JAK1: variants seen among roughly 807,000 people sequenced by gnomAD.
JAK1 encodes the protein tyrosine-protein kinase JAK1.
Under a neutral mutation model 136.6 loss-of-function variants are expected in JAK1, and 16 were observed. That is an observed-to-expected ratio of 0.12 (90% CI 0.08 to 0.18). The LOEUF (loss-of-function observed/expected upper bound fraction) is 0.18. JAK1 is among the 10% of genes least tolerant of loss of function. The pLI is 1.00. For missense variants in JAK1, 859 were observed against 1,450.1 expected, an observed-to-expected ratio of 0.59 and a Z score of 6.62; for synonymous variants, 492 against 519.5, an observed-to-expected ratio of 0.95 and a Z score of 0.72.
chr1:64,978,831 T>C (rs1217853340), intron 2 of JAK1, among the ~76,000 whole-genome samples: 1 of 151,868 alleles, frequency 6.6e-6, no homozygotes, highest in Non-Finnish European at 1.5e-5. Context: ...GACACTTGCA[T>C]GCTGGATGAG....
intron 1 of JAK1, among the ~76,000 whole-genome samples, chr1:65,052,731 G>A (rs920906350): frequency 1.3e-5 from 2 of 150,354 alleles, no homozygotes; most frequent in Non-Finnish European, 3.0e-5. Flanking sequence ...GGAGAATGGC[G>A]TGAACCCGGG....
chr1:64,899,276 A>G (rs1570733549), intron 1 of JAK1, among the ~76,000 whole-genome samples: 1 of 152,344 alleles, frequency 6.6e-6, no homozygotes, highest in East Asian at 1.9e-4. Context: ...ATCATGGTGA[A>G]AAGGTGAAAT....
chr1:64,961,637 T>C (rs1046729700), intron 1 of JAK1, among the ~76,000 whole-genome samples: 1 of 152,152 alleles, frequency 6.6e-6, no homozygotes, highest in East Asian at 1.9e-4. Context: ...AGTCTGCCAC[T>C]GACACCACGT....
At chr1:64,971,402 G>A (rs1412393819), upstream of JAK1, among the ~76,000 whole-genome samples, 5 of 152,144 alleles carry the variant, frequency 3.3e-5, no homozygotes, top group South Asian at 2.1e-4. Flanking sequence ...TTGGAGTGCA[G>A]TGGCACAATC....
At chr1:64,959,529 G>A (rs933799467) in intron 1 of JAK1, among the ~76,000 whole-genome samples, 1 of 152,190 alleles carries the variant, frequency 6.6e-6, no homozygotes, top group Non-Finnish European at 1.5e-5. Context: ...TATACATGGT[G>A]CCTCTGCCAA....
At chr1:64,961,942 ATGTCTG>A (rs1382319453) in intron 1 of JAK1, among the ~76,000 whole-genome samples, 1 of 152,204 alleles carries the variant, frequency 6.6e-6, no homozygotes, top group African/African-American at 2.4e-5. Context: ...TACCAAAGAG[ATGTCTG>A]TGCATACAAA....
At chr1:65,048,487 G>A (rs1436895758) in intron 1 of JAK1, among the ~76,000 whole-genome samples, 10 of 152,172 alleles carry the variant, frequency 6.6e-5, no homozygotes, top group African/African-American at 2.2e-4. Flanking sequence ...GACTAAGGTC[G>A]CTTGTTATGA....
intron 1 of JAK1, among the ~76,000 whole-genome samples, chr1:64,913,674 A>AGGAAGGAAGGAAGGAAGGAAGGAAGGAG (rs1645331303): frequency 3.5e-5 from 1 of 28,822 alleles, no homozygotes; most frequent in African/African-American, 9.3e-5. Flanking sequence ...GAAGGAAGGA[A>AGGAAGGAAGGAAGGAAGGAAGGAAGGAG]GGAAGGAAGG....
intron 1 of JAK1, among the ~76,000 whole-genome samples, chr1:65,045,241 T>C (rs1647173672): frequency 6.6e-6 from 1 of 152,244 alleles, no homozygotes; most frequent in Non-Finnish European, 1.5e-5. Context: ...TTTGCTCCCA[T>C]GGCTGATCTC....
At chr1:64,990,601 A>G (rs1646646144) in intron 2 of JAK1, 1 of 152,164 alleles carries the variant, frequency 6.6e-6, no homozygotes, top group Admixed American at 6.6e-5. Context: ...GAAGGTACAC[A>G]AAGAAACAGG....
chr1:64,870,991 G>A (rs1011090609), intron 5 of JAK1, among the ~76,000 whole-genome samples: 5 of 151,962 alleles, frequency 3.3e-5, no homozygotes, highest in African/African-American at 9.7e-5. Flanking sequence ...TCAATCTAAC[G>A]CCATGCTTAT....
At chr1:64,935,761 C>T (rs187013192) in intron 1 of JAK1, among the ~76,000 whole-genome samples, 2 of 152,160 alleles carry the variant, frequency 1.3e-5, no homozygotes, top group African/African-American at 2.4e-5. Context: ...GCAACGCTGA[C>T]GGGTCATCTC....
intron 6 of JAK1, among the ~76,000 whole-genome samples, chr1:64,868,907 G>C (rs888534321): frequency 1.3e-5 from 2 of 152,184 alleles, no homozygotes; most frequent in Non-Finnish European, 2.9e-5. Flanking sequence ...ACTGTAACGT[G>C]TTCAGAGTTC....
chr1:64,932,209 T>C (rs1295165539), intron 1 of JAK1, among the ~76,000 whole-genome samples: 1 of 152,024 alleles, frequency 6.6e-6, no homozygotes, highest in African/African-American at 2.4e-5. Flanking sequence ...GTTCAGGAGA[T>C]TGAGACCAGC....
At chr1:64,999,180 A>T (rs970008881) in intron 2 of JAK1, among the ~76,000 whole-genome samples, 1 of 152,180 alleles carries the variant, frequency 6.6e-6, no homozygotes, top group Non-Finnish European at 1.5e-5. Flanking sequence ...TCTATAAATC[A>T]CTTTCTCCTG....
At chr1:65,014,175 A>G (rs544591392) in intron 2 of JAK1, among the ~76,000 whole-genome samples, 49 of 152,284 alleles carry the variant, frequency 3.2e-4, no homozygotes, top group African/African-American at 1.2e-3. Flanking sequence ...TAGAAGATAG[A>G]GTGAGAAAGT....
At chr1:64,971,751 G>T (rs1277578153) in intron 2 of JAK1, among the ~76,000 whole-genome samples, 1 of 152,092 alleles carries the variant, frequency 6.6e-6, no homozygotes, top group African/African-American at 2.4e-5. Flanking sequence ...TAGAGACAGG[G>T]TTTCGCTATG....
At position 64,938,577 on chromosome 1, in the gene JAK1, C is replaced by T. The variant is rs75166113; in HGVS notation, c.-78+27756G>A. On this transcript the variant is annotated intron_variant, in intron 1 of 24. Transcript: ENST00000342505. Reference sequence around the variant, plus strand: ...CAGCTTCATTTTATTGCTCCGCTTCCCTTGACACCAGAACTATTTATCTCC... The same window carrying T: ...CAGCTTCATTTTATTGCTCCGCTTCTCTTGACACCAGAACTATTTATCTCC... Among the ~76,000 whole-genome samples, 1,160 of 152,296 alleles carry T rather than the reference C, an allele frequency of 7.6e-3. 6 individuals are homozygous for T. Among genetic ancestry groups the T allele is most frequent in the African/African-American group, 0.027 (1,106 of 41,552 alleles).
intron 1 of JAK1, among the ~76,000 whole-genome samples, chr1:64,933,092 G>A (rs1263435296): frequency 6.6e-6 from 1 of 151,930 alleles, no homozygotes; most frequent in Non-Finnish European, 1.5e-5. Flanking sequence ...GTAGCTATAC[G>A]TGCCAGGCAT....
Sources: gnomAD v4.1 joint callset for allele counts (sites outside exome capture counted in the v4.1 genomes callset) on GRCh38, gnomAD v4.1.1 for gene constraint, MANE v1.5 for transcripts, NCBI Gene and HGNC (gene_info 2026-07-23, HGNC 2026-07-21) for gene names.